Variants in CEP43 observed in about 807,000 individuals in gnomAD.
CEP43 encodes FGFR1 oncogene partner.
CEP43 carries 36 observed loss-of-function variants against 52.6 expected under a neutral mutation model. That is an observed-to-expected ratio of 0.68 (90% CI 0.52 to 0.90). The LOEUF is 0.90. Ranked by LOEUF, CEP43 falls within the 40% of genes least tolerant of loss-of-function variation. CEP43 has a pLI of 0.00. For missense variants in CEP43, 506 were observed against 472.8 expected (o/e 1.07, Z -0.65); for synonymous variants, 192 against 172.4 (o/e 1.11, Z -0.89).
At position 167,044,255 on chromosome 6, in the gene CEP43, C is replaced by A; in HGVS notation, c.*4277C>A. On this transcript the variant is annotated 3_prime_UTR_variant, in exon 13 of 13. Coordinates refer to ENST00000366847, the MANE Select transcript of CEP43 (RefSeq NM_007045.4). ...CCGAGATTTGAGGTAACATTTGAAT[C>A]TAAAAGAGGCTATATGAAAGAGGTT... The A allele has an allele frequency of 4.3e-6, 1 of 232,292 alleles. No individual in the cohort carries two copies. Among genetic ancestry groups the A allele is most frequent in the Non-Finnish European group, 7.1e-6 (1 of 141,292 alleles). 14.4% of individuals were successfully genotyped at this position (232,292 alleles called of 1,614,324 possible).
chr6:167,010,930 C>T, intron 6 of CEP43, 37 bp downstream of exon 6: 1 of 1,277,804 alleles, frequency 7.8e-7, no homozygotes, highest in Non-Finnish European at 1.1e-6. Context: ...CATGTCTGGA[C>T]TTAACTCCAG....
At position 167,031,461 on chromosome 6, in the gene CEP43, G is replaced by C. The variant is rs538081446; in HGVS notation, c.989-1142G>C. Among the ~76,000 whole-genome samples the C allele has an allele frequency of 2.2e-4, 33 of 152,336 alleles. No homozygotes were observed. In the South Asian group the frequency reaches 3.5e-3, roughly 16 times the overall value. On this transcript the variant is annotated intron_variant, in intron 10 of 12. Coordinates refer to ENST00000366847, the MANE Select transcript of CEP43 (RefSeq NM_007045.4). ...CATCTTAGTCATTGCTATACCTCTA[G>C]GGGACCTAGTCATCACTCAGCTGGT...
At chr6:167,000,295 TG>T (rs1393702734) in intron 2 of CEP43, among the ~76,000 whole-genome samples, 182 bp downstream of exon 2, 14 of 152,246 alleles carry the variant, frequency 9.2e-5, no homozygotes, top group Admixed American at 4.6e-4. Flanking sequence ...CTTTTGAATT[TG>T]GGGGTAATCT....
In CEP43 at chr6:167,040,495, G is replaced by A. The variant is rs1780673496; in HGVS notation, c.*517G>A. 3.5e-6 allele frequency: 4 copies of A among 1,133,190 alleles called. No individual in the cohort carries two copies. Among genetic ancestry groups the A allele is most frequent in the Non-Finnish European group, 4.3e-6 (4 of 920,412 alleles). 70.2% of individuals were successfully genotyped at this position (1,133,190 alleles called of 1,614,324 possible). On this transcript the variant is annotated 3_prime_UTR_variant, in exon 13 of 13. Transcript: ENST00000366847. Reference sequence around the variant, plus strand: ...TATATTAGTATAAGTTAAATTTGATGTGTCAACTTTATTTTGTATTTCCTT... The same window carrying A: ...TATATTAGTATAAGTTAAATTTGATATGTCAACTTTATTTTGTATTTCCTT...
rs543932093 is a variant in CEP43, at chr6:166,999,663, C to G, written c.102+149C>G. ...GGGCGCGCCCCGGCATGGCCTCCGT[C>G]CTGCCCGCCCCACAGAGGGGGTCGG... On this transcript the variant is annotated intron_variant, in intron 1 of 12. Coordinates refer to ENST00000366847, the MANE Select transcript of CEP43 (RefSeq NM_007045.4). 3 of 510,954 alleles carry G rather than the reference C, an allele frequency of 5.9e-6. No homozygotes were observed. In the South Asian group the frequency reaches 1.1e-4, roughly 19 times the overall value. The allele number at this position is 510,954 out of a possible 1,614,324, so 31.7% of individuals were successfully genotyped here. A position where few individuals can be genotyped will look rare whatever the true frequency, so the allele number is the denominator to read the frequency against.
At chr6:167,022,972 G>A (rs1161183391) in intron 8 of CEP43, among the ~76,000 whole-genome samples, 1 of 152,172 alleles carries the variant, frequency 6.6e-6, no homozygotes, top group African/African-American at 2.4e-5. Context: ...TTATGCTGCA[G>A]TGTGTGGGGT....
At chr6:167,036,113 A>G in intron 12 of CEP43, 1 of 985,392 alleles carries the variant, frequency 1.0e-6, no homozygotes. Context: ...ACACAAACAT[A>G]GGAAAATCAA....
rs1780843907 is a variant in CEP43 at position 167,049,588 on chromosome 6, A to G, written c.*9610A>G. 6.6e-6 allele frequency: 1 copy of G among 152,224 alleles called. No individual in the cohort carries two copies. Among genetic ancestry groups the G allele is most frequent in the Non-Finnish European group, 1.5e-5 (1 of 68,040 alleles). The allele number at this position is 152,224 out of a possible 1,614,324, so 9.4% of individuals were successfully genotyped here. On this transcript the variant is annotated 3_prime_UTR_variant, in exon 13 of 13. Coordinates refer to ENST00000366847, the MANE Select transcript of CEP43 (RefSeq NM_007045.4). ...TAACAATACTCCATTGTAGGGATTG[A>G]CCACACTTTATCCATTCATTGGTTG...
intron 7 of CEP43, among the ~76,000 whole-genome samples, chr6:167,016,265 C>T (rs535619301): frequency 1.1e-3 from 162 of 152,074 alleles, no homozygotes; most frequent in African/African-American, 3.8e-3. Flanking sequence ...TTTCAGGTGT[C>T]TGTTTCTTTT....
rs924492975 is a variant in CEP43, at chr6:167,023,755, C to T, written c.807-1027C>T. Among the ~76,000 whole-genome samples, 7 of 151,918 alleles carry T rather than the reference C, an allele frequency of 4.6e-5. No homozygotes were observed. The East Asian group carries it at 9.6e-4, about 21-fold the overall frequency. On this transcript the variant is annotated intron_variant, in intron 8 of 12. Coordinates refer to ENST00000366847, the MANE Select transcript of CEP43 (RefSeq NM_007045.4). ...AGGAGAGTGGTGTCTGTGGAGGTGG[C>T]GGTAGGGAGGAGTAGCTGTATGATG...
chr6:166,999,480 C>T lies in CEP43; in HGVS notation c.68C>T (p.Thr23Met), dbSNP rs1210589297. ...GAGCTGCGGGACCTGCTGGTGCAGA[C>T]GCTGGAGAACAGCGGGGTCCTGAAC... Reference protein sequence around the residue: ...DTELRDLLVQTLENSGVLNRI... With the variant: ...DTELRDLLVQMLENSGVLNRI... Residue 23 changes from threonine (T) to methionine (M), a missense_variant, in exon 1 of 13, where the codon ACG becomes ATG. Coordinates refer to ENST00000366847, the MANE Select transcript of CEP43 (RefSeq NM_007045.4). 12 of 1,483,586 alleles carry T rather than the reference C, an allele frequency of 8.1e-6. No homozygotes were observed. The highest frequency in any genetic ancestry group is 9.9e-6 in the Non-Finnish European group (11 of 1,114,946). 91.9% of individuals were successfully genotyped at this position (1,483,586 alleles called of 1,614,324 possible).
chr6:167,018,422 G>A (rs9459840), intron 7 of CEP43, among the ~76,000 whole-genome samples: 60,694 of 151,654 alleles, frequency 0.4, 12,463 homozygotes, highest in Non-Finnish European at 0.46. Flanking sequence ...ACGGATTCTC[G>A]CTCTGTCACC....
chr6:167,035,591 G>T (rs1186055814), intron 12 of CEP43, among the ~76,000 whole-genome samples: 1 of 150,120 alleles, frequency 6.7e-6, no homozygotes, highest in Non-Finnish European at 1.5e-5. Flanking sequence ...TTTTTAGACA[G>T]AGTCTTGCTC....
rs908675151 is a variant in CEP43, at chr6:167,051,425, G to C, written c.*11447G>C. 1 of 152,330 alleles carries C rather than the reference G, an allele frequency of 6.6e-6. No homozygotes were observed. The highest frequency in any genetic ancestry group is 6.5e-5 in the Admixed American group (1 of 15,284). The allele number at this position is 152,330 out of a possible 1,614,324, so 9.4% of individuals were successfully genotyped here. A position where few individuals can be genotyped will look rare whatever the true frequency, so the allele number is the denominator to read the frequency against. On this transcript the variant is annotated 3_prime_UTR_variant, in exon 13 of 13. Coordinates refer to ENST00000366847, the MANE Select transcript of CEP43 (RefSeq NM_007045.4). Reference sequence around the variant, plus strand: ...CAAAGTTAGCTTGGCCCATGCCCAGGAATGACCAAGGGCAATTTGGAGATT... The same window carrying C: ...CAAAGTTAGCTTGGCCCATGCCCAGCAATGACCAAGGGCAATTTGGAGATT...
intron 12 of CEP43, among the ~76,000 whole-genome samples, chr6:167,035,336 T>G (rs887013071): frequency 6.6e-6 from 1 of 152,176 alleles, no homozygotes; most frequent in African/African-American, 2.4e-5. Context: ...AGCATTTGTA[T>G]TCTTTGCAGT....
chr6:167,007,564 G>A (rs1213246313), intron 5 of CEP43, among the ~76,000 whole-genome samples: 1 of 152,112 alleles, frequency 6.6e-6, no homozygotes, highest in Non-Finnish European at 1.5e-5. Flanking sequence ...CCTCAAAGAT[G>A]TATGTTTTGG....
intron 5 of CEP43, among the ~76,000 whole-genome samples, chr6:167,004,608 T>C (rs1018205459): frequency 1.4e-5 from 1 of 73,288 alleles, no homozygotes; most frequent in Non-Finnish European, 2.8e-5. Flanking sequence ...ATATCTGTTC[T>C]GGTTTTTGAT....
chr6:167,033,949 A>G lies in CEP43; in HGVS notation c.1103A>G (p.Asp368Gly), dbSNP rs376185141. 2 of 1,571,170 alleles carry G rather than the reference A, an allele frequency of 1.3e-6. No individual in the cohort carries two copies. The highest frequency in any genetic ancestry group is 8.7e-7 in the Non-Finnish European group (1 of 1,144,854). ...EIEEDLSVEI[D>G]DINTSDKLDD... ...GAAGAAGACCTTTCTGTGGAAATAG[A>G]TGACATCAATACCAGTGATAAGGTA... Residue 368 changes from aspartate (D) to glycine (G), a missense_variant, in exon 12 of 13, where the codon GAT becomes GGT. Transcript: ENST00000366847.
chr6:167,021,048 A>T (rs1439217550), intron 7 of CEP43, among the ~76,000 whole-genome samples: 4 of 149,268 alleles, frequency 2.7e-5, no homozygotes, highest in African/African-American at 9.9e-5. Context: ...TGGATGACAT[A>T]GTGAGAGCCT....
Sources: gnomAD v4.1 joint callset for allele counts (sites outside exome capture counted in the v4.1 genomes callset) on GRCh38, gnomAD v4.1.1 for gene constraint, MANE v1.5 for transcripts, NCBI Gene and HGNC (gene_info 2026-07-23, HGNC 2026-07-21) for gene names.